TTC6: variants seen among roughly 807,000 people sequenced by gnomAD.
TTC6 encodes tetratricopeptide repeat protein 6.
TTC6 carries 172 observed loss-of-function variants against 210.4 expected under a neutral mutation model. That is an observed-to-expected ratio of 0.82 (90% CI 0.72 to 0.93). The LOEUF (loss-of-function observed/expected upper bound fraction) is 0.93. Ranked by LOEUF, TTC6 falls within the 40% of genes least tolerant of loss-of-function variation. The pLI, the probability that TTC6 is intolerant of heterozygous loss-of-function variation, is 0.00. For missense variants in TTC6, 2,414 were observed against 2,318.1 expected (o/e 1.04, Z -0.85); for synonymous variants, 804 against 819.6 (o/e 0.98, Z 0.32).
chr14:37,772,783 G>T (rs1037275497), intron 14 of TTC6, among the ~76,000 whole-genome samples: 3 of 152,264 alleles, frequency 2.0e-5, no homozygotes, highest in African/African-American at 7.2e-5. Flanking sequence ...CTCACGCTGG[G>T]AGCTGTAGAC....
intron 14 of TTC6, among the ~76,000 whole-genome samples, chr14:37,753,922 C>T (rs552505233): frequency 4.0e-5 from 6 of 151,844 alleles, no homozygotes; most frequent in East Asian, 1.9e-4. Context: ...TATTAAACTT[C>T]GTGCATTGTA....
chr14:37,638,926 C>T (rs2095686208), intron 1 of TTC6, among the ~76,000 whole-genome samples: 1 of 152,170 alleles, frequency 6.6e-6, no homozygotes, highest in Non-Finnish European at 1.5e-5. Context: ...CCCCAACTCC[C>T]CAGACTAACC....
In TTC6 at chr14:37,842,385, A is replaced by T. The variant is rs535401959; in HGVS notation, c.*94A>T. On this transcript the variant is annotated 3_prime_UTR_variant, in exon 31 of 31. Transcript: ENST00000553443. ...TCTAAAAGGTTCTACCATTTTCATT[A>T]TTGTATTCGTTATGCTTAGTCTTCC... is the stretch of plus-strand genomic sequence containing the variant. The T allele has an allele frequency of 1.0e-5, 12 of 1,181,634 alleles. No homozygotes were observed. In the South Asian group the frequency reaches 2.2e-4, roughly 21 times the overall value. The allele number at this position is 1,181,634 out of a possible 1,614,324, so 73.2% of individuals were successfully genotyped here. A position where few individuals can be genotyped will look rare whatever the true frequency, so the allele number is the denominator to read the frequency against.
At position 37,622,558 on chromosome 14, in the gene TTC6, G is replaced by A. The variant is rs117461973; in HGVS notation, c.494G>A (p.Gly165Glu). ...CCACCCGTGAAGCGCAGAGCGCGCG[G>A]GGTCTTGGAGAGCTCGCGGCACGCG... The change falls in exon 1 of 31, where the codon GGG (glycine) becomes GAG (glutamate). Residue 165 changes from glycine to glutamate, a missense_variant. Transcript: ENST00000553443. The A allele has an allele frequency of 5.4e-4, 822 of 1,533,798 alleles. 14 individuals carry two copies. The East Asian group carries it at 0.018, about 34-fold the overall frequency.
chr14:37,673,340 A>G (rs946368141), intron 1 of TTC6, among the ~76,000 whole-genome samples: 1 of 152,148 alleles, frequency 6.6e-6, no homozygotes, highest in African/African-American at 2.4e-5. Context: ...TGTGTGGACA[A>G]ATATTGTTTA....
At chr14:37,619,650 T>A (rs1453819589), upstream of TTC6, among the ~76,000 whole-genome samples, 4 of 152,162 alleles carry the variant, frequency 2.6e-5, no homozygotes, top group African/African-American at 9.7e-5. Context: ...AATATTATAT[T>A]TAATCCTTTT....
At chr14:37,768,983 C>A (rs2096008744) in intron 14 of TTC6, among the ~76,000 whole-genome samples, 1 of 151,898 alleles carries the variant, frequency 6.6e-6, no homozygotes, top group South Asian at 2.1e-4. Context: ...CCCATCAATA[C>A]CTAATTTATT....
Position 37,746,395 on chromosome 14 carries a change from A to G in TTC6, c.2364-2544A>G, listed in dbSNP as rs140564250. On this transcript the variant is annotated intron_variant, in intron 10 of 30. Transcript: ENST00000553443. The stretch of plus-strand genomic sequence containing the variant: ...CCTTAGAACTCATTCCTCTACAGCA[A>G]TTGTTCTTATTGTGTAATCCATGCA... Among the ~76,000 whole-genome samples the G allele has an allele frequency of 5.8e-4, 88 of 152,280 alleles. 1 individual carries two copies. Among genetic ancestry groups the G allele is most frequent in the African/African-American group, 2.0e-3 (82 of 41,568 alleles).
chr14:37,760,877 A>C (rs2095982261), intron 14 of TTC6, among the ~76,000 whole-genome samples: 1 of 152,154 alleles, frequency 6.6e-6, no homozygotes, highest in African/African-American at 2.4e-5. Context: ...ACCAAGTTAG[A>C]TCATCCCAGG....
At chr14:37,663,825 GT>G (rs1311653292) in intron 1 of TTC6, among the ~76,000 whole-genome samples, 1 of 152,132 alleles carries the variant, frequency 6.6e-6, no homozygotes, top group Non-Finnish European at 1.5e-5. Context: ...CAAAATCAGT[GT>G]GCAAAAGTTG....
At position 37,706,274 on chromosome 14, in the gene TTC6, C is replaced by G. The variant is rs113158777; in HGVS notation, c.1571+4748C>G. Among the ~76,000 whole-genome samples the G allele has an allele frequency of 1.3e-5, 2 of 152,214 alleles. 1 individual carries two copies. Among genetic ancestry groups the G allele is most frequent in the African/African-American group, 4.8e-5 (2 of 41,552 alleles). On this transcript the variant is annotated intron_variant, in intron 5 of 30. Transcript: ENST00000553443. ...TGTGTTTGACACAGTTGATCACTTA[C>G]TTTTCCAGAAGTCACCTTTATCCCT...
chr14:37,758,380 G>C (rs2095974189), intron 14 of TTC6, among the ~76,000 whole-genome samples: 1 of 152,188 alleles, frequency 6.6e-6, no homozygotes, highest in South Asian at 2.1e-4. Context: ...TGTATTGGGT[G>C]CATATATATT....
At chr14:37,608,361 G>A (rs971005482) in intron 2 of TTC6, among the ~76,000 whole-genome samples, 3 of 151,998 alleles carry the variant, frequency 2.0e-5, no homozygotes, top group East Asian at 3.9e-4. Flanking sequence ...CGAGGCTGGA[G>A]TTCAGTGATA....
intron 6 of TTC6, among the ~76,000 whole-genome samples, chr14:37,715,607 C>G (rs538334150): frequency 1.3e-5 from 2 of 152,024 alleles, no homozygotes; most frequent in South Asian, 4.1e-4. Context: ...AAAAAAGAAA[C>G]GACATGCTAC....
At chr14:37,765,151 T>C (rs2095995001) in intron 14 of TTC6, among the ~76,000 whole-genome samples, 7 of 151,976 alleles carry the variant, frequency 4.6e-5, no homozygotes, top group Admixed American at 4.6e-4. Flanking sequence ...GCAAATTACA[T>C]CTTTATAAAT....
intron 5 of TTC6, among the ~76,000 whole-genome samples, chr14:37,708,804 C>T (rs1298909493): frequency 6.6e-6 from 1 of 152,024 alleles, no homozygotes; most frequent in African/African-American, 2.4e-5. Context: ...TTGTTCCCTC[C>T]TAGGAACTGA....
Position 37,724,878 on chromosome 14 carries a change from C to A in TTC6, c.1714-20C>A. 7.2e-7 allele frequency: 1 copy of A among 1,396,458 alleles called. No homozygotes were observed. 86.5% of individuals were successfully genotyped at this position (1,396,458 alleles called of 1,614,324 possible). A position where few individuals can be genotyped will look rare whatever the true frequency, so the allele number is the denominator to read the frequency against. On this transcript the variant is annotated intron_variant, in intron 6 of 30. Transcript: ENST00000553443. ...GCCATTTCTTACCATTTCTAATAACCTTTTATGTTATTTTCAAAGATGTAT... is the reference window on the plus strand; with the variant it reads ...GCCATTTCTTACCATTTCTAATAACATTTTATGTTATTTTCAAAGATGTAT...
chr14:37,813,528 A>G (rs1365213989), intron 25 of TTC6, among the ~76,000 whole-genome samples: 4 of 152,180 alleles, frequency 2.6e-5, no homozygotes, highest in East Asian at 3.9e-4. Context: ...CCACTAAACA[A>G]CTATTGCACA....
chr14:37,706,790 TA>T (rs1218278711), intron 5 of TTC6, among the ~76,000 whole-genome samples: 3 of 152,120 alleles, frequency 2.0e-5, no homozygotes, highest in Admixed American at 2.0e-4. Context: ...CACTTTGTTT[TA>T]TTTTTTGCTT....
Sources: allele counts gnomAD v4.1 joint callset (sites outside exome capture counted in the v4.1 genomes callset), GRCh38; gene constraint gnomAD v4.1.1; transcripts MANE v1.5; gene names NCBI Gene and HGNC (gene_info 2026-07-23, HGNC 2026-07-21).